The following SMAP1 variants were observed in gnomAD, a reference collection of about 807,000 sequenced individuals.
The protein encoded by SMAP1 is small ArfGAP 1, also known as stromal membrane-associated protein 1.
Under a neutral mutation model 58.5 loss-of-function variants are expected in SMAP1, and 24 were observed. The ratio of observed to expected loss-of-function variants is 0.41; its 90% CI spans 0.30 to 0.58. The LOEUF (loss-of-function observed/expected upper bound fraction) is 0.58, where lower values mean the gene tolerates loss of function less well. SMAP1 is among the 20% of genes least tolerant of loss of function. The pLI is 0.29. For synonymous variants in SMAP1, 216 were observed against 196.6 expected (o/e 1.10, Z -0.82); for missense variants, 563 against 566.3 (o/e 0.99, Z 0.06).
chr6:70,703,912 T>C (rs1173236667), intron 1 of SMAP1, among the ~76,000 whole-genome samples: 1 of 152,216 alleles, frequency 6.6e-6, no homozygotes, highest in African/African-American at 2.4e-5. Context: ...GACAGTAAGC[T>C]GAGTTCATTG....
chr6:70,857,019 A>G lies in SMAP1; in HGVS notation c.950A>G (p.Gln317Arg), dbSNP rs1160493948. 6.2e-7 allele frequency: 1 copy of G among 1,606,762 alleles called. No homozygotes were observed. Among genetic ancestry groups the G allele is most frequent in the Non-Finnish European group, 8.5e-7 (1 of 1,176,366 alleles). Residue 317 changes from glutamine to arginine, a missense_variant, in exon 9 of 11, where the codon CAA (glutamine) becomes CGA (arginine). By Grantham distance (43) the Gln-to-Arg change is conservative (BLOSUM62 1). Around this residue, in one of 3 missense-constraint regions of SMAP1, gnomAD observed 494 missense variants for 473.8 expected, o/e 1.04. Coordinates refer to ENST00000370455, the MANE Select transcript of SMAP1 (RefSeq NM_001044305.3). ...TATGGCACAGGAACCATTCAACAGC[A>G]AAGTACTCCTGGTAATGAATTTTGA... ...SLYGTGTIQQ[Q>R]STPGVFMGPT...
At chr6:70,850,524 C>T (rs1199586359) in intron 7 of SMAP1, among the ~76,000 whole-genome samples, 1 of 151,102 alleles carries the variant, frequency 6.6e-6, no homozygotes, top group Non-Finnish European at 1.5e-5. Context: ...ATTTTATAAA[C>T]ATTTAAAATT....
At chr6:70,758,304 G>A (rs1317728551) in intron 3 of SMAP1, among the ~76,000 whole-genome samples, 1 of 149,116 alleles carries the variant, frequency 6.7e-6, no homozygotes. Flanking sequence ...CTCACTTATA[G>A]GTGGGAACTG....
chr6:70,705,180 A>G (rs527925814), intron 1 of SMAP1, among the ~76,000 whole-genome samples: 1 of 152,052 alleles, frequency 6.6e-6, no homozygotes, highest in African/African-American at 2.4e-5. Context: ...TTCCAGGCCT[A>G]GTTCAAAGTT....
rs747178149 is a variant in SMAP1 at position 70,773,421 on chromosome 6, C to T, written c.410C>T (p.Thr137Ile). ...TACGATAAAAATGCCATAGCTATTA[C>T]AAATGTAAGTAAAACCTTCATCTCT... ...KYYDKNAIAI[T>I]NISSSDAPLQ... The change falls in exon 4 of 11, where the codon ACA becomes ATA. Residue 137 changes from threonine to isoleucine, a missense_variant. Thr to Ile is a moderately conservative substitution (Grantham distance 89). Transcript: ENST00000370455. 6.5e-7 allele frequency: 1 copy of T among 1,534,838 alleles called. No individual in the cohort carries two copies. Among genetic ancestry groups the T allele is most frequent in the South Asian group, 1.2e-5 (1 of 85,100 alleles).
intron 3 of SMAP1, among the ~76,000 whole-genome samples, chr6:70,770,472 T>C (rs1424397827): frequency 2.0e-5 from 3 of 152,200 alleles, no homozygotes; most frequent in African/African-American, 7.2e-5. Flanking sequence ...TTCTCTAAAC[T>C]TCCCTTCTCG....
chr6:70,852,753 G>A, intron 8 of SMAP1, 89 bp downstream of exon 8: 1 of 1,366,376 alleles, frequency 7.3e-7, no homozygotes, highest in Non-Finnish European at 9.7e-7. Flanking sequence ...AATTGTTTCT[G>A]AGCAGTAACT....
rs575008239 is a variant in SMAP1 at position 70,861,991 on chromosome 6, TAAAA to T, written c.*1666_*1669del. On this transcript the variant is annotated 3_prime_UTR_variant, in exon 11 of 11. Coordinates refer to ENST00000370455, the MANE Select transcript of SMAP1 (RefSeq NM_001044305.3). ...CTTACAGCAAATCCTTTGTGAAAAATAAAAAAAAAAAAGAGACTTTAAAATCCTG... is the reference window on the plus strand; with the variant it reads ...CTTACAGCAAATCCTTTGTGAAAAATAAAAAAAAGAGACTTTAAAATCCTG... 2.1e-4 allele frequency: 255 copies of T among 1,222,922 alleles called. No individual in the cohort carries two copies. The highest frequency in any genetic ancestry group is 2.7e-4 in the Non-Finnish European group (239 of 901,668). 75.8% of individuals were successfully genotyped at this position (1,222,922 alleles called of 1,614,324 possible). A position where few individuals can be genotyped will look rare whatever the true frequency, so the allele number is the denominator to read the frequency against.
chr6:70,724,323 A>G (rs1260164576), intron 1 of SMAP1, among the ~76,000 whole-genome samples: 2 of 152,014 alleles, frequency 1.3e-5, no homozygotes, highest in Non-Finnish European at 2.9e-5. Context: ...CAGCCTCCCA[A>G]GTAGCTGGGA....
chr6:70,766,553 A>C (rs1318715933), intron 3 of SMAP1, among the ~76,000 whole-genome samples: 1 of 152,118 alleles, frequency 6.6e-6, no homozygotes, highest in Non-Finnish European at 1.5e-5. Flanking sequence ...TCTTTTGAGA[A>C]GTGTCTGTTC....
chr6:70,782,789 C>T (rs1767817057), intron 4 of SMAP1, among the ~76,000 whole-genome samples: 4 of 152,206 alleles, frequency 2.6e-5, no homozygotes, highest in Non-Finnish European at 5.9e-5. Context: ...AGGCCAACAA[C>T]CTCCACTGAC....
At chr6:70,670,306 C>T (rs1208142243) in intron 1 of SMAP1, among the ~76,000 whole-genome samples, 4 of 152,052 alleles carry the variant, frequency 2.6e-5, no homozygotes, top group African/African-American at 7.2e-5. Flanking sequence ...TTAAAATGAT[C>T]TTGTAAATAA....
At chr6:70,747,370 G>GTGTT (rs1481406152) in intron 2 of SMAP1, among the ~76,000 whole-genome samples, 1 of 152,182 alleles carries the variant, frequency 6.6e-6, no homozygotes, top group Non-Finnish European at 1.5e-5. Flanking sequence ...TGAGAAAGTA[G>GTGTT]TGTTCTGTGA....
At chr6:70,757,825 A>G (rs568901608) in intron 3 of SMAP1, among the ~76,000 whole-genome samples, 195 of 152,336 alleles carry the variant, frequency 1.3e-3, no homozygotes, top group African/African-American at 4.6e-3. Flanking sequence ...ATGAGATACC[A>G]TCTCACACCA....
chr6:70,697,110 G>A (rs1313039748), intron 1 of SMAP1, among the ~76,000 whole-genome samples: 3 of 151,854 alleles, frequency 2.0e-5, no homozygotes, highest in South Asian at 4.1e-4. Flanking sequence ...TTCAGTCTTT[G>A]TGTGTTATTA....
chr6:70,768,253 T>C (rs1280366984), intron 3 of SMAP1, among the ~76,000 whole-genome samples: 1 of 152,244 alleles, frequency 6.6e-6, no homozygotes, highest in African/African-American at 2.4e-5. Context: ...ATCAGGATGA[T>C]GCTGACCTCA....
chr6:70,848,224 A>G (rs1771061958), intron 7 of SMAP1, among the ~76,000 whole-genome samples: 1 of 152,142 alleles, frequency 6.6e-6, no homozygotes, highest in Non-Finnish European at 1.5e-5. Context: ...TGCTTCCAGG[A>G]GCCCAGTTTG....
chr6:70,857,734 G>T lies in SMAP1; in HGVS notation c.962-188G>T, dbSNP rs1771492092. ...ATTTACTCAGGTTAATAACTGATTT[G>T]TCTGCATCCTAGAAACAACCAGCTC... On this transcript the variant is annotated intron_variant, in intron 9 of 10. Coordinates refer to ENST00000370455, the MANE Select transcript of SMAP1 (RefSeq NM_001044305.3). 6.7e-6 allele frequency: 4 copies of T among 596,960 alleles called. No homozygotes were observed. The East Asian group carries it at 1.1e-4, about 17-fold the overall frequency. The allele number at this position is 596,960 out of a possible 1,614,324, so 37.0% of individuals were successfully genotyped here.
At chr6:70,859,534 C>T (rs1468904390) in intron 10 of SMAP1, 1 of 644,262 alleles carries the variant, frequency 1.6e-6, no homozygotes, top group Non-Finnish European at 2.5e-6. Flanking sequence ...AGAACACAGT[C>T]TAACTCTGAG....
Sources: gnomAD v4.1 joint callset for allele counts (sites outside exome capture counted in the v4.1 genomes callset) on GRCh38, gnomAD v4.1.1 for gene constraint, gnomAD v4.1.1 regional missense constraint, MANE v1.5 for transcripts, NCBI Gene and HGNC (gene_info 2026-07-23, HGNC 2026-07-21) for gene names.